PLXNC1: variants seen among roughly 807,000 people sequenced by gnomAD.
PLXNC1 encodes the protein plexin-C1.
PLXNC1 carries 75 observed loss-of-function variants against 178.2 expected under a neutral mutation model. The ratio of observed to expected loss-of-function variants is 0.42; its 90% CI spans 0.35 to 0.51. PLXNC1 has a LOEUF of 0.51. PLXNC1 is among the 20% of genes least tolerant of loss of function. PLXNC1 has a pLI of 0.02. For synonymous variants in PLXNC1, 790 were observed against 779.9 expected (o/e 1.01, Z -0.22); for missense variants, 1,503 against 1,984.4 (o/e 0.76, Z 4.61).
chr12:94,303,028 A>C (rs1968623613), intron 28 of PLXNC1, among the ~76,000 whole-genome samples: 1 of 152,252 alleles, frequency 6.6e-6, no homozygotes, highest in Non-Finnish European at 1.5e-5. Context: ...CTGGGACATT[A>C]GCCCTATCAT....
intron 17 of PLXNC1, among the ~76,000 whole-genome samples, chr12:94,258,665 A>G (rs111474521): frequency 0.051 from 7,792 of 152,298 alleles, 675 homozygotes; most frequent in African/African-American, 0.17. Context: ...AATTAGGAAT[A>G]AAACCAGTAA....
intron 21 of PLXNC1, among the ~76,000 whole-genome samples, chr12:94,275,357 C>G (rs6538494): frequency 0.18 from 27,493 of 152,078 alleles, 2,662 homozygotes; most frequent in Admixed American, 0.23. Flanking sequence ...AGTGTGGGAG[C>G]CGGAGAGATG....
intron 4 of PLXNC1, among the ~76,000 whole-genome samples, chr12:94,204,057 G>A (rs558154473): frequency 2.6e-5 from 4 of 152,246 alleles, no homozygotes; most frequent in South Asian, 4.1e-4. Flanking sequence ...CAGGCCCCTC[G>A]ACCTTGGACT....
At chr12:94,197,365 G>C (rs1416414329) in intron 4 of PLXNC1, among the ~76,000 whole-genome samples, 1 of 152,020 alleles carries the variant, frequency 6.6e-6, no homozygotes, top group East Asian at 1.9e-4. Flanking sequence ...TCACAGGAGT[G>C]GGTTAGTTAT....
chr12:94,264,365 G>C (rs1477952342), intron 20 of PLXNC1, among the ~76,000 whole-genome samples: 2 of 152,166 alleles, frequency 1.3e-5, no homozygotes, highest in Non-Finnish European at 2.9e-5. Context: ...AGAGCCAATC[G>C]GGATGGGCCG....
chr12:94,253,841 T>C (rs1964768240), intron 15 of PLXNC1, among the ~76,000 whole-genome samples: 1 of 152,094 alleles, frequency 6.6e-6, no homozygotes, highest in Non-Finnish European at 1.5e-5. Flanking sequence ...ACCCATCTAA[T>C]TTTCTATTTT....
chr12:94,223,436 G>A (rs1257126004), intron 6 of PLXNC1, among the ~76,000 whole-genome samples: 1 of 152,188 alleles, frequency 6.6e-6, no homozygotes, highest in Non-Finnish European at 1.5e-5. Context: ...GGGGAGCAAT[G>A]CAACCACAGG....
intron 22 of PLXNC1, chr12:94,280,121 A>C: frequency 3.2e-6 from 1 of 316,796 alleles, no homozygotes; most frequent in South Asian, 2.6e-5. Flanking sequence ...TGCTAATCAC[A>C]TCCTGTATTA....
chr12:94,189,538 A>C (rs781779415), intron 4 of PLXNC1, among the ~76,000 whole-genome samples: 4 of 151,934 alleles, frequency 2.6e-5, no homozygotes, highest in Non-Finnish European at 5.9e-5. Flanking sequence ...ACATTAGCTG[A>C]GTGTGGTGGT....
intron 23 of PLXNC1, among the ~76,000 whole-genome samples, chr12:94,292,736 T>G (rs1262342642): frequency 6.6e-6 from 1 of 152,202 alleles, no homozygotes; most frequent in Admixed American, 6.5e-5. Context: ...AATCAAAGTT[T>G]TTATTGGGTT....
intron 23 of PLXNC1, among the ~76,000 whole-genome samples, chr12:94,289,668 T>C (rs1967078166): frequency 6.6e-6 from 1 of 152,200 alleles, no homozygotes; most frequent in African/African-American, 2.4e-5. Flanking sequence ...CAAAAAGGCA[T>C]TTCTGTCCTT....
intron 21 of PLXNC1, among the ~76,000 whole-genome samples, chr12:94,272,830 G>A (rs1467268073): frequency 6.6e-6 from 1 of 152,192 alleles, no homozygotes; most frequent in Non-Finnish European, 1.5e-5. Context: ...AGATTCAGTG[G>A]GTTCTGTGGG....
chr12:94,177,136 T>C (rs1442398083), intron 2 of PLXNC1, among the ~76,000 whole-genome samples: 1 of 74,610 alleles, frequency 1.3e-5, no homozygotes, highest in Non-Finnish European at 2.6e-5. Flanking sequence ...TGTGTATATA[T>C]ATGTGTGTGT....
chr12:94,199,059 A>AG (rs1302779476), intron 4 of PLXNC1, among the ~76,000 whole-genome samples: 1 of 152,168 alleles, frequency 6.6e-6, no homozygotes, highest in Non-Finnish European at 1.5e-5. Context: ...AAGCAGAAAA[A>AG]GGAAATGGGG....
At chr12:94,198,446 T>G (rs1328446376) in intron 4 of PLXNC1, among the ~76,000 whole-genome samples, 7 of 152,054 alleles carry the variant, frequency 4.6e-5, no homozygotes, top group Admixed American at 4.6e-4. Context: ...GGCACACATT[T>G]GCCTATGTAA....
chr12:94,197,222 A>G (rs757052828), intron 4 of PLXNC1, among the ~76,000 whole-genome samples: 7 of 150,568 alleles, frequency 4.6e-5, no homozygotes, highest in Admixed American at 1.3e-4. Context: ...GCCATGTCCT[A>G]TGGTTTGAAT....
rs1265147872 is a variant in PLXNC1, at chr12:94,275,688, C to A, written c.3598-3784C>A. ...CTAAAACGGTGAAACCCCGTCTCTA[C>A]TAAAAAAATACAAAAAATTAGCCGG... On this transcript the variant is annotated intron_variant, in intron 21 of 30. Coordinates refer to ENST00000258526, the MANE Select transcript of PLXNC1 (RefSeq NM_005761.3). 4.0e-5 allele frequency among the ~76,000 whole-genome samples: 5 copies of A among 123,734 alleles called. 1 individual carries two copies. Among genetic ancestry groups the A allele is most frequent in the African/African-American group, 1.6e-4 (5 of 30,922 alleles). 81.2% of individuals were successfully genotyped at this position (123,734 alleles called of 152,430 possible). A position where few individuals can be genotyped will look rare whatever the true frequency, so the allele number is the denominator to read the frequency against.
chr12:94,200,676 AT>A (rs1325916381), intron 4 of PLXNC1, among the ~76,000 whole-genome samples: 1 of 152,080 alleles, frequency 6.6e-6, no homozygotes, highest in Non-Finnish European at 1.5e-5. Flanking sequence ...AAGAGGTGTC[AT>A]TTTCCCATTT....
chr12:94,263,317 C>T (rs748015887), intron 20 of PLXNC1, among the ~76,000 whole-genome samples: 1 of 152,018 alleles, frequency 6.6e-6, no homozygotes, highest in Non-Finnish European at 1.5e-5. Flanking sequence ...GAATGCTTAA[C>T]AAGAGCCCGC....
Sources: allele counts gnomAD v4.1 joint callset (sites outside exome capture counted in the v4.1 genomes callset), GRCh38; gene constraint gnomAD v4.1.1; transcripts MANE v1.5; gene names NCBI Gene and HGNC (gene_info 2026-07-23, HGNC 2026-07-21).